The following ARHGAP39 variants were observed in gnomAD, a reference collection of about 807,000 sequenced individuals.
ARHGAP39 encodes the protein Rho GTPase activating protein 39, also known as rho GTPase-activating protein 39.
A neutral mutation model predicts 106.9 loss-of-function variants in ARHGAP39; 44 were observed. The observed-to-expected ratio is 0.41, with a 90% CI of 0.32 to 0.53. The LOEUF is 0.53. Ranked by LOEUF, ARHGAP39 falls within the 20% of genes least tolerant of loss-of-function variation. The probability of loss-of-function intolerance (pLI) is 0.21; values close to 1 mark genes in which losing one functional copy is unlikely to be tolerated. For synonymous variants in ARHGAP39, 768 were observed against 693.2 expected (o/e 1.11, Z -1.69); for missense variants, 1,496 against 1,577.3 (o/e 0.95, Z 0.87).
chr8:144,649,896 G>A (rs182683463), intron 1 of ARHGAP39, among the ~76,000 whole-genome samples: 2 of 152,274 alleles, frequency 1.3e-5, no homozygotes, highest in Admixed American at 6.5e-5. Context: ...TGTAATCCCA[G>A]CACTTTGGAA....
intron 3 of ARHGAP39, 68 bp downstream of exon 3, chr8:144,580,778 C>A: frequency 1.9e-6 from 2 of 1,067,386 alleles, no homozygotes; most frequent in African/African-American, 1.7e-5. Flanking sequence ...CCACCCCCTA[C>A]CTGCCTCACC....
rs201501799 is a variant in ARHGAP39 at position 144,605,636 on chromosome 8, C to G, written c.-22G>C. 9.3e-6 allele frequency: 15 copies of G among 1,610,876 alleles called. No homozygotes were observed. The highest frequency in any genetic ancestry group is 2.2e-5 in the East Asian group (1 of 44,880). ...ACATCGCTGTTTGCTTCCGCGCCCA[C>G]GTGGACAGACGTCAGGGCACCATAC... is the stretch of plus-strand genomic sequence containing the variant. On this transcript the variant is annotated 5_prime_UTR_variant, in exon 2 of 12. Transcript: ENST00000377307.
At position 144,684,468 on chromosome 8, in the gene ARHGAP39, CTG is replaced by C. The variant is rs1822524281; in HGVS notation, c.-82+1216_-82+1217del. Among the ~76,000 whole-genome samples the C allele has an allele frequency of 6.6e-6, 1 of 152,204 alleles. No homozygotes were observed. Among genetic ancestry groups the C allele is most frequent in the Non-Finnish European group, 1.5e-5 (1 of 68,048 alleles). On this transcript the variant is annotated intron_variant, in intron 1 of 11. Coordinates refer to ENST00000377307, the MANE Select transcript of ARHGAP39 (RefSeq NM_025251.3). The surrounding 1 kb of genome is among the most constrained non-coding windows in gnomAD (Gnocchi z 4.4). The stretch of plus-strand genomic sequence containing the variant: ...CCAGGAGGCACGAGAAGCCTCACCA[CTG>C]TAGGTTTTTCAGCAGAGGTCACTGG...
At chr8:144,622,582 A>C (rs1820833493) in intron 1 of ARHGAP39, among the ~76,000 whole-genome samples, 2 of 152,194 alleles carry the variant, frequency 1.3e-5, no homozygotes, top group African/African-American at 4.8e-5. Context: ...AGCCCACAGC[A>C]CCGACAGGAG....
intron 10 of ARHGAP39, among the ~76,000 whole-genome samples, chr8:144,531,230 G>A (rs879736019): frequency 0.015 from 1,246 of 84,894 alleles, 80 homozygotes; most frequent in African/African-American, 0.051. Flanking sequence ...TAGCAGGCAC[G>A]GCAGAAGGGC....
chr8:144,680,219 GA>G (rs1822369747), intron 1 of ARHGAP39, among the ~76,000 whole-genome samples: 1 of 152,140 alleles, frequency 6.6e-6, no homozygotes, highest in African/African-American at 2.4e-5. Flanking sequence ...ACCTCGTCTT[GA>G]AGCCTCCCTT....
chr8:144,638,601 C>T (rs1821235263), intron 1 of ARHGAP39, among the ~76,000 whole-genome samples: 1 of 152,246 alleles, frequency 6.6e-6, no homozygotes, highest in Non-Finnish European at 1.5e-5. Flanking sequence ...CACAAAGTTT[C>T]TCTCAACTGT....
the ARHGAP39 span, among the ~76,000 whole-genome samples, chr8:144,695,671 A>AG: frequency 2.5e-4 from 38 of 152,210 alleles, 1 homozygote; most frequent in South Asian, 4.8e-3. Flanking sequence ...TAGAAAGGGG[A>AG]GGGGGGTCTA....
intron 1 of ARHGAP39, among the ~76,000 whole-genome samples, chr8:144,657,992 G>A (rs1821738062): frequency 6.6e-6 from 1 of 151,970 alleles, no homozygotes; most frequent in Non-Finnish European, 1.5e-5. Context: ...TTTTAATATG[G>A]CATAACAGCT....
intron 3 of ARHGAP39, among the ~76,000 whole-genome samples, chr8:144,579,220 A>G (rs1051670340): frequency 1.5e-4 from 22 of 151,476 alleles, no homozygotes; most frequent in Admixed American, 5.9e-4. Flanking sequence ...AAAAAAAAAA[A>G]AAAAAGAAAG....
At position 144,581,248 on chromosome 8, in the gene ARHGAP39, C is replaced by T. The variant is rs1818978130; in HGVS notation, c.110G>A (p.Arg37His). 4 of 1,552,180 alleles carry T rather than the reference C, an allele frequency of 2.6e-6. No individual in the cohort carries two copies. Among genetic ancestry groups the T allele is most frequent in the Non-Finnish European group, 3.5e-6 (4 of 1,148,964 alleles). The change falls in exon 3 of 12, where the codon CGC becomes CAC. Residue 37 changes from arginine to histidine, a missense_variant. Transcript: ENST00000377307. ...RLEWVEIIEP[R>H]TRERMYANLV... is the part of the protein sequence containing the mutation. ...GTTGGCGTACATGCGCTCGCGGGTG[C>T]GCGGTTCGATGATCTCCACCCACTC...
Position 144,601,879 on chromosome 8 carries a change from CTG to C in ARHGAP39, c.80+3654_80+3655del, listed in dbSNP as rs371216228. On this transcript the variant is annotated intron_variant, in intron 2 of 11. Transcript: ENST00000377307. ...GAGGTGTGTGTGCGAGCTCACGTAC[CTG>C]TGTGTGTCCATGGAGGCGTGCATGT... Among the ~76,000 whole-genome samples, 1,190 of 126,762 alleles carry C rather than the reference CTG, an allele frequency of 9.4e-3. 16 individuals carry two copies. The highest frequency in any genetic ancestry group is 0.029 in the African/African-American group (938 of 32,424). The allele number at this position is 126,762 out of a possible 152,430, so 83.2% of individuals were successfully genotyped here. A position where few individuals can be genotyped will look rare whatever the true frequency, so the allele number is the denominator to read the frequency against.
At chr8:144,599,662 C>CA (rs1354635631) in intron 2 of ARHGAP39, among the ~76,000 whole-genome samples, 4 of 151,828 alleles carry the variant, frequency 2.6e-5, no homozygotes, top group Non-Finnish European at 2.9e-5. Flanking sequence ...AAAAGGGGGA[C>CA]AAAAAAATCT....
At position 144,671,955 on chromosome 8, in the gene ARHGAP39, C is replaced by T. The variant is rs189017062; in HGVS notation, c.-82+13731G>A. On this transcript the variant is annotated intron_variant, in intron 1 of 11. Transcript: ENST00000377307. The surrounding 1 kb of genome is among the most constrained non-coding windows in gnomAD (Gnocchi z 4.5). Reference sequence around the variant, plus strand: ...GCCCTGCCAGAGCAATGGAGACAGGCTCCGCCCAAGTGAGGCTCATCCTGG... The same window carrying T: ...GCCCTGCCAGAGCAATGGAGACAGGTTCCGCCCAAGTGAGGCTCATCCTGG... Among the ~76,000 whole-genome samples the T allele has an allele frequency of 1.3e-4, 20 of 152,350 alleles. No homozygotes were observed. Among genetic ancestry groups the T allele is most frequent in the African/African-American group, 4.8e-4 (20 of 41,586 alleles).
At chr8:144,650,145 A>G (rs374014960) in intron 1 of ARHGAP39, among the ~76,000 whole-genome samples, 1 of 151,300 alleles carries the variant, frequency 6.6e-6, no homozygotes, top group Non-Finnish European at 1.5e-5. Flanking sequence ...TCTGTCTTGG[A>G]AAAAAAAAGA....
At chr8:144,629,305 A>G (rs1025368471) in intron 1 of ARHGAP39, among the ~76,000 whole-genome samples, 1 of 152,170 alleles carries the variant, frequency 6.6e-6, no homozygotes, top group Non-Finnish European at 1.5e-5. Context: ...TCAAGAGCAG[A>G]CCCGCAGGCT....
At chr8:144,542,292 C>T (rs1231768543) in intron 6 of ARHGAP39, among the ~76,000 whole-genome samples, 1 of 152,168 alleles carries the variant, frequency 6.6e-6, no homozygotes, top group Non-Finnish European at 1.5e-5. Flanking sequence ...GTGTGAGCAC[C>T]CATGAGACAA....
intron 1 of ARHGAP39, among the ~76,000 whole-genome samples, chr8:144,624,201 GC>G (rs1305272686): frequency 6.6e-6 from 1 of 152,208 alleles, no homozygotes; most frequent in Non-Finnish European, 1.5e-5. Context: ...TGCCATGTTA[GC>G]CCCAGTGACT....
intron 1 of ARHGAP39, among the ~76,000 whole-genome samples, chr8:144,649,946 C>A (rs560195902): frequency 3.6e-4 from 55 of 152,112 alleles, no homozygotes; most frequent in Non-Finnish European, 6.2e-4. Flanking sequence ...AGTTCGAGAC[C>A]AGCCTGGCCA....
Sources: gnomAD v4.1 joint callset for allele counts (sites outside exome capture counted in the v4.1 genomes callset) on GRCh38, gnomAD v4.1.1 for gene constraint, Gnocchi (gnomAD v3.1) non-coding constraint, MANE v1.5 for transcripts, NCBI Gene and HGNC (gene_info 2026-07-23, HGNC 2026-07-21) for gene names.